KIT: variants seen among roughly 807,000 people sequenced by gnomAD.
KIT encodes the protein KIT proto-oncogene, receptor tyrosine kinase.
Under a neutral mutation model 105.7 loss-of-function variants are expected in KIT, and 16 were observed. The ratio of observed to expected loss-of-function variants is 0.15; its 90% confidence interval spans 0.10 to 0.23. The LOEUF (loss-of-function observed/expected upper bound fraction) is 0.23. Ranked by LOEUF, KIT falls within the 10% of genes least tolerant of loss-of-function variation. The pLI is 1.00. For synonymous variants in KIT, 438 were observed against 441.1 expected, an observed-to-expected ratio of 0.99 and a Z score of 0.09; for missense variants, 858 against 1,213.8, an observed-to-expected ratio of 0.71 and a Z score of 4.36.
chr4:54,673,807 A>C (rs188229953), intron 1 of KIT, among the ~76,000 whole-genome samples: 58 of 151,906 alleles, frequency 3.8e-4, no homozygotes, highest in Middle Eastern at 3.4e-3. Context: ...AGACTCTGTT[A>C]GTTGTTTTCA....
chr4:54,717,870 A>T (rs1721603914), intron 7 of KIT, among the ~76,000 whole-genome samples: 1 of 151,996 alleles, frequency 6.6e-6, no homozygotes, highest in East Asian at 1.9e-4. Context: ...CAGCAAGCAG[A>T]GTGGCATTGT....
At chr4:54,723,551 C>G (rs1560414273) in intron 7 of KIT, 33 bp from the exon 8 acceptor site, 1 of 1,426,580 alleles carries the variant, frequency 7.0e-7, no homozygotes, top group East Asian at 2.3e-5. Flanking sequence ...TTTTCCAGCA[C>G]TCTGACATAT....
chr4:54,688,986 C>T (rs1456665912), intron 1 of KIT, among the ~76,000 whole-genome samples: 1 of 152,154 alleles, frequency 6.6e-6, no homozygotes, highest in Non-Finnish European at 1.5e-5. Context: ...TCTGAGCTGC[C>T]ATTCTTTCCA....
Position 54,738,772 on chromosome 4 carries a change from A to G in KIT, c.*215A>G, listed in dbSNP as rs1165560125. 6.3e-6 allele frequency: 4 copies of G among 635,442 alleles called. No homozygotes were observed. The highest frequency in any genetic ancestry group is 1.8e-5 in the South Asian group (1 of 54,244). 39.4% of individuals were successfully genotyped at this position (635,442 alleles called of 1,614,324 possible). A position where few individuals can be genotyped will look rare whatever the true frequency, so the allele number is the denominator to read the frequency against. ...CCAACTGTATATATTCCCAATAGCA[A>G]CGTAGCTTCTACCATGAACAGAAAA... On this transcript the variant is annotated 3_prime_UTR_variant, in exon 21 of 21. Coordinates refer to ENST00000288135, the MANE Select transcript of KIT (RefSeq NM_000222.3).
At chr4:54,661,377 T>A (rs1329658009) in intron 1 of KIT, among the ~76,000 whole-genome samples, 1 of 152,194 alleles carries the variant, frequency 6.6e-6, no homozygotes, top group Non-Finnish European at 1.5e-5. Flanking sequence ...ATTTTGCTGC[T>A]GTTGTTGACA....
intron 5 of KIT, among the ~76,000 whole-genome samples, 186 bp from the exon 6 acceptor site, chr4:54,706,912 T>C (rs1266295709): frequency 6.6e-6 from 1 of 152,232 alleles, no homozygotes; most frequent in Non-Finnish European, 1.5e-5. Flanking sequence ...ATGTGTGTCC[T>C]TTCTCACTTG....
intron 1 of KIT, among the ~76,000 whole-genome samples, chr4:54,670,004 C>T (rs1004624227): frequency 6.6e-6 from 1 of 152,166 alleles, no homozygotes; most frequent in African/African-American, 2.4e-5. Context: ...GCACCAGCTC[C>T]ATCCCACCAT....
At position 54,738,461 on chromosome 4, in the gene KIT, C is replaced by A. The variant is rs2109818489; in HGVS notation, c.2835C>A (p.Asn945Lys). The change falls in exon 21 of 21, where the codon AAC (asparagine) becomes AAA (lysine). Residue 945 changes from asparagine to lysine, a missense_variant. Physicochemically the swap from Asn to Lys is moderately conservative, Grantham distance 94. Around this residue, in one of 7 missense-constraint regions of KIT, gnomAD observed 105 missense variants for 103.5 expected, o/e 1.01. Coordinates refer to ENST00000288135, the MANE Select transcript of KIT (RefSeq NM_000222.3). ...CCAACTTAGCAAACTGCAGCCCCAACCGACAGAAGCCCGTGGTAGACCATT... is the reference window on the plus strand; with the variant it reads ...CCAACTTAGCAAACTGCAGCCCCAAACGACAGAAGCCCGTGGTAGACCATT... ...IYSNLANCSP[N>K]RQKPVVDHSV... 1 of 1,614,094 alleles carries A rather than the reference C, an allele frequency of 6.2e-7. No individual in the cohort carries two copies. Among genetic ancestry groups the A allele is most frequent in the Non-Finnish European group, 8.5e-7 (1 of 1,179,996 alleles).
intron 1 of KIT, among the ~76,000 whole-genome samples, chr4:54,687,675 G>T (rs1719413243): frequency 6.6e-6 from 1 of 151,998 alleles, no homozygotes; most frequent in South Asian, 2.1e-4. Context: ...GGTCCCCATA[G>T]GACTAGCTTT....
intron 7 of KIT, among the ~76,000 whole-genome samples, chr4:54,716,231 C>T (rs17084687): frequency 0.11 from 16,283 of 151,988 alleles, 1,344 homozygotes; most frequent in East Asian, 0.27. Context: ...AATAAAGTGC[C>T]GAATAGAACT....
intron 1 of KIT, among the ~76,000 whole-genome samples, chr4:54,679,355 C>T (rs1003894311): frequency 1.3e-5 from 2 of 152,166 alleles, no homozygotes; most frequent in Non-Finnish European, 2.9e-5. Flanking sequence ...TAATTGAAGT[C>T]TATCTGCAGA....
rs141145611 is a variant in KIT, at chr4:54,660,344, T to C, written c.67+2263T>C. Among the ~76,000 whole-genome samples the C allele has an allele frequency of 5.9e-5, 9 of 152,254 alleles. No homozygotes were observed. The East Asian group carries it at 1.7e-3, about 29-fold the overall frequency. ...AACAGGATGAACCTGCTAGGAATAG[T>C]GAATCATACCTTCCCCGTTTCGTTC... On this transcript the variant is annotated intron_variant, in intron 1 of 20. Transcript: ENST00000288135.
At chr4:54,696,945 A>G (rs545468716) in intron 2 of KIT, among the ~76,000 whole-genome samples, 91 of 152,252 alleles carry the variant, frequency 6.0e-4, no homozygotes, top group Non-Finnish European at 8.7e-4. Flanking sequence ...TATCATGACA[A>G]TTGAATAAAT....
intron 15 of KIT, 40 bp downstream of exon 15, chr4:54,731,459 A>C: frequency 7.8e-7 from 1 of 1,281,766 alleles, no homozygotes; most frequent in Middle Eastern, 1.8e-4. Flanking sequence ...GTAACTTTAC[A>C]GAGAGTATGT....
chr4:54,703,465 A>G (rs1261831529), intron 4 of KIT, among the ~76,000 whole-genome samples: 3 of 152,194 alleles, frequency 2.0e-5, no homozygotes, highest in African/African-American at 7.2e-5. Flanking sequence ...ATTTGGAATT[A>G]TACATACTAG....
intron 1 of KIT, among the ~76,000 whole-genome samples, chr4:54,694,565 TG>T (rs1719927031): frequency 6.6e-6 from 1 of 151,974 alleles, no homozygotes; most frequent in Non-Finnish European, 1.5e-5. Context: ...TGTTGGGCGG[TG>T]GGGGCGTCTC....
At chr4:54,694,125 T>G (rs1157643799) in intron 1 of KIT, among the ~76,000 whole-genome samples, 1 of 152,192 alleles carries the variant, frequency 6.6e-6, no homozygotes, top group African/African-American at 2.4e-5. Flanking sequence ...CTGGTTTCAC[T>G]CCACGTAGTT....
rs1577967302 is a variant in KIT at position 54,707,210 on chromosome 4, G to T, written c.1038G>T (p.Gln346His). 1.2e-6 allele frequency: 2 copies of T among 1,610,776 alleles called. No individual in the cohort carries two copies. The highest frequency in any genetic ancestry group is 8.5e-7 in the Non-Finnish European group (1 of 1,176,910). ...EYEAFPKPEHQQWIYMNRTFT... is the reference protein window; with the variant it reads ...EYEAFPKPEHHQWIYMNRTFT... ...AAGCATTCCCCAAACCTGAACACCA[G>T]CAGTGGATCTATATGAACAGAACCT... is the stretch of plus-strand genomic sequence containing the variant. Residue 346 changes from glutamine to histidine, a missense_variant, in exon 6 of 21, where the codon CAG becomes CAT. Physicochemically the swap from Gln to His is conservative, Grantham distance 24. Around this residue, in one of 7 missense-constraint regions of KIT, gnomAD observed 401 missense variants for 601.0 expected, o/e 0.67. Coordinates refer to ENST00000288135, the MANE Select transcript of KIT (RefSeq NM_000222.3).
At chr4:54,673,801 T>C (rs951147428) in intron 1 of KIT, among the ~76,000 whole-genome samples, 9 of 151,074 alleles carry the variant, frequency 6.0e-5, no homozygotes, top group African/African-American at 2.2e-4. Flanking sequence ...TTTAGGAGAC[T>C]CTGTTAGTTG....
Sources: gnomAD v4.1 joint callset for allele counts (sites outside exome capture counted in the v4.1 genomes callset) on GRCh38, gnomAD v4.1.1 for gene constraint, gnomAD v4.1.1 regional missense constraint, MANE v1.5 for transcripts, NCBI Gene and HGNC (gene_info 2026-07-23, HGNC 2026-07-21) for gene names.